ZBTB20: variants seen among roughly 807,000 people sequenced by gnomAD.
ZBTB20 encodes the protein zinc finger and BTB domain-containing protein 20.
A neutral mutation model predicts 56.9 loss-of-function variants in ZBTB20; 9 were observed. The ratio of observed to expected loss-of-function variants is 0.16; its 90% CI spans 0.10 to 0.28. The LOEUF is 0.28. ZBTB20 is among the 10% of genes least tolerant of loss of function. ZBTB20 has a pLI of 1.00. For missense variants in ZBTB20, 655 were observed against 1,003.0 expected (o/e 0.65, Z 4.69); for synonymous variants, 417 against 420.7 (o/e 0.99, Z 0.11).
At chr3:114,522,655 G>A (rs2046775917) in intron 6 of ZBTB20, among the ~76,000 whole-genome samples, 1 of 152,178 alleles carries the variant, frequency 6.6e-6, no homozygotes, top group African/African-American at 2.4e-5. Context: ...TAGTAGTGGT[G>A]ATGAGGATGA....
chr3:114,914,449 T>C (rs758711622), intron 3 of ZBTB20, among the ~76,000 whole-genome samples: 6 of 152,116 alleles, frequency 3.9e-5, no homozygotes, highest in African/African-American at 1.4e-4. Context: ...ACTGAATTTA[T>C]TGATCAGTTC....
chr3:114,766,386 G>A (rs1578772612), intron 5 of ZBTB20, among the ~76,000 whole-genome samples: 1 of 152,114 alleles, frequency 6.6e-6, no homozygotes, highest in Non-Finnish European at 1.5e-5. Context: ...TCTAGTGCAA[G>A]AATTAAGCTC....
intron 6 of ZBTB20, among the ~76,000 whole-genome samples, chr3:114,670,047 G>C (rs2061276401): frequency 6.6e-6 from 1 of 152,010 alleles, no homozygotes; most frequent in South Asian, 2.1e-4. Context: ...TCAAATATGT[G>C]ACATTTTATT....
intron 6 of ZBTB20, among the ~76,000 whole-genome samples, chr3:114,530,738 C>A (rs1398633108): frequency 6.6e-6 from 1 of 152,174 alleles, no homozygotes; most frequent in Admixed American, 6.5e-5. Context: ...ATACTTTACT[C>A]TCAGTGTCAT....
chr3:115,103,730 A>G (rs2083646170), intron 1 of ZBTB20, among the ~76,000 whole-genome samples: 1 of 152,236 alleles, frequency 6.6e-6, no homozygotes. Context: ...ACCTAAATGT[A>G]AAATGCAAAA....
chr3:114,702,941 T>C (rs1047254863), intron 5 of ZBTB20, among the ~76,000 whole-genome samples: 26 of 151,806 alleles, frequency 1.7e-4, no homozygotes, highest in Non-Finnish European at 3.8e-4. Flanking sequence ...AATTGAAAAG[T>C]ATACTCCATT....
intron 4 of ZBTB20, among the ~76,000 whole-genome samples, chr3:114,871,584 C>T (rs2076013680): frequency 6.6e-6 from 1 of 152,082 alleles, no homozygotes; most frequent in Non-Finnish European, 1.5e-5. Context: ...GGAATAGGGG[C>T]CCTCTTCAAT....
chr3:114,941,514 G>A (rs576117901), intron 3 of ZBTB20, among the ~76,000 whole-genome samples: 1 of 146,102 alleles, frequency 6.8e-6, no homozygotes, highest in South Asian at 2.1e-4. Context: ...CCTGGTAAGC[G>A]GGCATGTAAT....
intron 2 of ZBTB20, among the ~76,000 whole-genome samples, chr3:114,995,169 A>C (rs1242198155): frequency 6.6e-6 from 1 of 151,910 alleles, no homozygotes; most frequent in Non-Finnish European, 1.5e-5. Flanking sequence ...CTAGGGACAA[A>C]AGGTGGAACT....
chr3:114,567,308 T>C (rs2052893162), intron 6 of ZBTB20, among the ~76,000 whole-genome samples: 1 of 152,180 alleles, frequency 6.6e-6, no homozygotes, highest in Admixed American at 6.5e-5. Flanking sequence ...AAAATTGCAG[T>C]GAAATCAATA....
chr3:115,139,406 A>G (rs1188307404), intron 1 of ZBTB20, among the ~76,000 whole-genome samples: 1 of 152,068 alleles, frequency 6.6e-6, no homozygotes, highest in Non-Finnish European at 1.5e-5. Context: ...GAAATTGTAT[A>G]TAGTTGTTTC....
At chr3:114,830,687 A>G (rs1219119362) in intron 4 of ZBTB20, among the ~76,000 whole-genome samples, 2 of 152,040 alleles carry the variant, frequency 1.3e-5, no homozygotes, top group Non-Finnish European at 2.9e-5. Context: ...AGAGTTAAGT[A>G]ACTTGACTAA....
At chr3:114,874,836 C>A (rs186795868) in intron 4 of ZBTB20, among the ~76,000 whole-genome samples, 7 of 152,280 alleles carry the variant, frequency 4.6e-5, no homozygotes, top group Admixed American at 1.3e-4. Context: ...GTTTTGACAA[C>A]TTGTCTAGCT....
intron 2 of ZBTB20, among the ~76,000 whole-genome samples, chr3:115,067,313 C>T (rs983114682): frequency 2.6e-5 from 4 of 151,868 alleles, no homozygotes; most frequent in African/African-American, 9.7e-5. Flanking sequence ...CAATTATTTG[C>T]CTACTACTTG....
chr3:114,710,853 A>T (rs1052657275), intron 5 of ZBTB20, among the ~76,000 whole-genome samples: 4 of 152,154 alleles, frequency 2.6e-5, no homozygotes, highest in Non-Finnish European at 5.9e-5. Context: ...GTCAGTCTTT[A>T]TCATGGCCTG....
chr3:114,958,523 A>C (rs1035710077), intron 3 of ZBTB20, among the ~76,000 whole-genome samples: 6 of 152,120 alleles, frequency 3.9e-5, no homozygotes, highest in East Asian at 1.9e-4. Context: ...CGGATTTAAA[A>C]ATCTTAGTTA....
intron 7 of ZBTB20, among the ~76,000 whole-genome samples, chr3:114,415,176 C>T (rs1185758103): frequency 2.0e-5 from 3 of 152,104 alleles, no homozygotes; most frequent in East Asian, 1.9e-4. Context: ...ATGTGACAAT[C>T]TCGCTGCAAA....
At chr3:114,772,818 G>T (rs2069315803) in intron 5 of ZBTB20, among the ~76,000 whole-genome samples, 1 of 152,102 alleles carries the variant, frequency 6.6e-6, no homozygotes, top group African/African-American at 2.4e-5. Flanking sequence ...TGTGGTACAT[G>T]GCAAAATGTT....
intron 7 of ZBTB20, among the ~76,000 whole-genome samples, chr3:114,389,978 A>G (rs184609958): frequency 9.2e-5 from 14 of 152,144 alleles, no homozygotes; most frequent in Admixed American, 7.9e-4. Flanking sequence ...GTAATTTTCA[A>G]TATATACTAC....
Sources: gnomAD v4.1 joint callset for allele counts (sites outside exome capture counted in the v4.1 genomes callset) on GRCh38, gnomAD v4.1.1 for gene constraint, MANE v1.5 for transcripts, NCBI Gene and HGNC (gene_info 2026-07-23, HGNC 2026-07-21) for gene names.